The following FGF13 variants were observed in gnomAD, a reference collection of about 807,000 sequenced individuals.
FGF13 encodes fibroblast growth factor homologous factor 2.
Under a neutral mutation model 19.5 loss-of-function variants are expected in FGF13, and 2 were observed. The ratio of observed to expected loss-of-function variants is 0.10; its 90% confidence interval spans 0.04 to 0.32. The LOEUF is 0.32. FGF13 is among the 10% of genes least tolerant of loss of function. The pLI is 1.00. For missense variants in FGF13, 113 were observed against 192.7 expected (o/e 0.59, Z 2.45); for synonymous variants, 72 against 76.9 (o/e 0.94, Z 0.33).
chrX:138,906,117 T>A (rs1466620031), intron 1 of FGF13, among the ~76,000 whole-genome samples: 1 of 111,751 alleles, frequency 8.9e-6, no homozygotes, highest in East Asian at 2.8e-4. Flanking sequence ...GTCTGATATG[T>A]CTGGAATCAT....
At chrX:138,649,914 A>AT (rs761904048) in intron 3 of FGF13, among the ~76,000 whole-genome samples, 136 of 111,950 alleles carry the variant, frequency 1.2e-3, no homozygotes, top group African/African-American at 4.3e-3. Context: ...TATGAAGACC[A>AT]TTTTTTCTAT....
intron 1 of FGF13, among the ~76,000 whole-genome samples, chrX:139,044,413 C>T (rs770636918): frequency 1.8e-5 from 2 of 111,243 alleles, no homozygotes; most frequent in African/African-American, 6.6e-5. Flanking sequence ...GACAAGATCT[C>T]AAGGGAATTC....
intron 1 of FGF13, among the ~76,000 whole-genome samples, chrX:138,933,157 A>G (rs931783381): frequency 1.8e-5 from 2 of 111,610 alleles, no homozygotes; most frequent in Non-Finnish European, 3.8e-5. Context: ...GACTAAGTTC[A>G]TGTATTTGTC....
chrX:138,894,455 A>C (rs2091493074), intron 1 of FGF13, among the ~76,000 whole-genome samples: 1 of 111,556 alleles, frequency 9.0e-6, no homozygotes. Context: ...CAATAGATGC[A>C]ATAAAAAATG....
intron 3 of FGF13, among the ~76,000 whole-genome samples, chrX:138,676,674 C>T (rs2089670430): frequency 9.0e-6 from 1 of 111,312 alleles, no homozygotes; most frequent in Non-Finnish European, 1.9e-5. Flanking sequence ...ATCAGGCATT[C>T]GATTCTCATA....
intron 1 of FGF13, among the ~76,000 whole-genome samples, chrX:138,946,589 T>C (rs1037144802): frequency 1.9e-4 from 21 of 112,053 alleles, no homozygotes; most frequent in African/African-American, 6.8e-4. Flanking sequence ...CCCTGACTGA[T>C]CACTTCAATA....
chrX:138,730,390 T>C (rs1220295645), intron 1 of FGF13, among the ~76,000 whole-genome samples: 4 of 111,434 alleles, frequency 3.6e-5, no homozygotes, highest in Non-Finnish European at 7.6e-5. Flanking sequence ...TCAATGAGTA[T>C]TGACTGCTAT....
intron 3 of FGF13, among the ~76,000 whole-genome samples, chrX:138,852,247 C>T (rs1038662296): frequency 9.0e-6 from 1 of 111,731 alleles, no homozygotes; most frequent in South Asian, 3.7e-4. Context: ...CAAAAAGAGC[C>T]TGCATAGCCA....
intron 1 of FGF13, among the ~76,000 whole-genome samples, chrX:138,940,282 TG>T (rs2124271905): frequency 8.9e-6 from 1 of 111,900 alleles, no homozygotes; most frequent in East Asian, 2.8e-4. Flanking sequence ...GGGGTCATTT[TG>T]TTTTTCTTGT....
intron 1 of FGF13, among the ~76,000 whole-genome samples, chrX:139,170,605 T>G (rs2084124644): frequency 8.9e-6 from 1 of 111,852 alleles, no homozygotes; most frequent in African/African-American, 3.3e-5. Flanking sequence ...TCCTTCAAGG[T>G]TCAGCAAAAT....
intron 3 of FGF13, among the ~76,000 whole-genome samples, chrX:138,796,272 C>T (rs1412062167): frequency 9.0e-6 from 1 of 111,156 alleles, no homozygotes; most frequent in Non-Finnish European, 1.9e-5. Context: ...TCCATGTGTC[C>T]ATGTGTTCTT....
chrX:138,800,442 C>T (rs6635722), intron 3 of FGF13, among the ~76,000 whole-genome samples: 42,978 of 110,873 alleles, frequency 0.39, 7,163 homozygotes, highest in Admixed American at 0.52. Context: ...CACAGAGATC[C>T]GCTGTTAGTC....
At chrX:138,979,706 T>A (rs755783107) in intron 1 of FGF13, among the ~76,000 whole-genome samples, 1 of 110,420 alleles carries the variant, frequency 9.1e-6, no homozygotes, top group African/African-American at 3.3e-5. Flanking sequence ...TGAAAAAGAG[T>A]CCCTGGAGAG....
chrX:138,850,953 T>C (rs1369594210), intron 3 of FGF13, among the ~76,000 whole-genome samples: 3 of 111,911 alleles, frequency 2.7e-5, no homozygotes, highest in African/African-American at 9.7e-5. Context: ...TGTGTTCTCA[T>C]TGTTCAGCTC....
At chrX:139,097,955 A>T (rs1223677294) in intron 1 of FGF13, among the ~76,000 whole-genome samples, 1 of 112,406 alleles carries the variant, frequency 8.9e-6, no homozygotes, top group Non-Finnish European at 1.9e-5. Flanking sequence ...TATATGGTAA[A>T]TACATGGGAG....
intron 3 of FGF13, among the ~76,000 whole-genome samples, chrX:138,837,191 T>G (rs2091119070): frequency 8.9e-6 from 1 of 112,562 alleles, no homozygotes; most frequent in African/African-American, 3.2e-5. Context: ...GCCACATTTT[T>G]GTAGAGCTGC....
At chrX:138,848,829 T>C (rs1438627406) in intron 3 of FGF13, among the ~76,000 whole-genome samples, 3 of 111,576 alleles carry the variant, frequency 2.7e-5, no homozygotes, top group Non-Finnish European at 3.8e-5. Flanking sequence ...TACACAAACA[T>C]AGCACTAGTC....
At chrX:139,060,787 AAGAC>A (rs1056091473) in intron 1 of FGF13, among the ~76,000 whole-genome samples, 5 of 111,344 alleles carry the variant, frequency 4.5e-5, no homozygotes, top group Non-Finnish European at 9.4e-5. Flanking sequence ...TTTACACACA[AAGAC>A]AGACACACAC....
chrX:138,857,652 T>C, exon 3 of FGF13: 1 of 1,202,406 alleles, frequency 8.3e-7, no homozygotes, highest in Non-Finnish European at 1.1e-6. Context: ...AATGTATTCC[T>C]GTGTGCCAGG....
Sources: allele counts gnomAD v4.1 joint callset (sites outside exome capture counted in the v4.1 genomes callset), GRCh38; gene constraint gnomAD v4.1.1; transcripts MANE v1.5; gene names NCBI Gene and HGNC (gene_info 2026-07-23, HGNC 2026-07-21).